Variants in ITGA1 observed in about 807,000 individuals in gnomAD.
The protein encoded by ITGA1 is integrin alpha-1.
Under a neutral mutation model 145.9 loss-of-function variants are expected in ITGA1, and 85 were observed. That is an observed-to-expected ratio of 0.58 (90% CI 0.49 to 0.70). The LOEUF is 0.70. Ranked by LOEUF, ITGA1 falls within the 30% of genes least tolerant of loss-of-function variation. The pLI is 0.00. For synonymous variants in ITGA1, 520 were observed against 495.3 expected (o/e 1.05, Z -0.66); for missense variants, 1,351 against 1,418.7 (o/e 0.95, Z 0.77).
At chr5:52,796,227 T>C (rs1283562886) in intron 1 of ITGA1, among the ~76,000 whole-genome samples, 1 of 151,914 alleles carries the variant, frequency 6.6e-6, no homozygotes, top group Non-Finnish European at 1.5e-5. Context: ...CAATCCAGGA[T>C]GCTTGACTTC....
At chr5:52,834,665 G>C (rs1320443364) in intron 1 of ITGA1, among the ~76,000 whole-genome samples, 1 of 150,926 alleles carries the variant, frequency 6.6e-6, no homozygotes, top group Admixed American at 6.6e-5. Flanking sequence ...GAAAGAGAAA[G>C]AAAGAAAGAA....
chr5:52,938,048 C>A (rs1281802781), intron 24 of ITGA1, among the ~76,000 whole-genome samples: 1 of 152,104 alleles, frequency 6.6e-6, no homozygotes, highest in African/African-American at 2.4e-5. Context: ...TCTGCAAAGA[C>A]CCTATTTCCA....
intron 27 of ITGA1, among the ~76,000 whole-genome samples, chr5:52,947,077 C>G (rs1388545629): frequency 6.6e-6 from 1 of 152,146 alleles, no homozygotes; most frequent in Non-Finnish European, 1.5e-5. Context: ...CACTCCTCCC[C>G]TTGAGCATTC....
intron 6 of ITGA1, among the ~76,000 whole-genome samples, chr5:52,866,311 C>T (rs772447493): frequency 2.7e-4 from 41 of 151,902 alleles, no homozygotes; most frequent in Non-Finnish European, 4.7e-4. Flanking sequence ...GCCACTGTGC[C>T]CAACCTAGGC....
At position 52,868,766 on chromosome 5, in the gene ITGA1, G is replaced by A. The variant is rs143071116; in HGVS notation, c.624+2949G>A. ...TGAATGAAGCACCCTGCACAGTGTC[G>A]TTTACATTATCTTCTGACTTCACCC... is the stretch of plus-strand genomic sequence containing the variant. On this transcript the variant is annotated intron_variant, in intron 6 of 28. Coordinates refer to ENST00000282588, the MANE Select transcript of ITGA1 (RefSeq NM_181501.2). Among the ~76,000 whole-genome samples the A allele has an allele frequency of 1.1e-4, 17 of 152,216 alleles. No individual in the cohort carries two copies. The East Asian group carries it at 1.2e-3, about 10-fold the overall frequency.
chr5:52,855,321 C>G (rs1379070645), intron 2 of ITGA1, among the ~76,000 whole-genome samples: 2 of 152,050 alleles, frequency 1.3e-5, no homozygotes, highest in African/African-American at 4.8e-5. Flanking sequence ...CCCACTTAAG[C>G]TGAATATATA....
chr5:52,834,694 A>C (rs527573380), intron 1 of ITGA1, among the ~76,000 whole-genome samples: 1 of 151,174 alleles, frequency 6.6e-6, no homozygotes, highest in African/African-American at 2.4e-5. Context: ...AAAGAAGGGG[A>C]AGGAAGGAAG....
At chr5:52,935,529 A>C (rs1750952677) in intron 23 of ITGA1, among the ~76,000 whole-genome samples, 1 of 152,154 alleles carries the variant, frequency 6.6e-6, no homozygotes, top group South Asian at 2.1e-4. Context: ...GTGATCTTGG[A>C]AGTTCTTAAT....
At chr5:52,874,383 T>A (rs563257981) in intron 6 of ITGA1, among the ~76,000 whole-genome samples, 3 of 151,892 alleles carry the variant, frequency 2.0e-5, no homozygotes, top group African/African-American at 4.8e-5. Flanking sequence ...AGACCAAGCA[T>A]CAACATGAGT....
At chr5:52,800,057 T>C in intron 1 of ITGA1, 1 of 321,976 alleles carries the variant, frequency 3.1e-6, no homozygotes, top group Non-Finnish European at 5.9e-6. Context: ...ACGGGAGACG[T>C]GCGTCGGGTC....
chr5:52,840,279 T>C (rs1749231646), intron 1 of ITGA1, among the ~76,000 whole-genome samples: 1 of 152,200 alleles, frequency 6.6e-6, no homozygotes, highest in African/African-American at 2.4e-5. Context: ...AATACTTAAA[T>C]AGGATGCCAC....
rs1314527918 is a variant in ITGA1, at chr5:52,944,705, T to A, written c.3286-238T>A. ...CTAATGATAAATCAATACAAAATAT[T>A]TTTAAAATTTTTTTTCATTCCATAA... is the stretch of plus-strand genomic sequence containing the variant. On this transcript the variant is annotated intron_variant, in intron 26 of 28. Coordinates refer to ENST00000282588, the MANE Select transcript of ITGA1 (RefSeq NM_181501.2). Among the ~76,000 whole-genome samples, 8 of 152,192 alleles carry A rather than the reference T, an allele frequency of 5.3e-5. 1 individual carries two copies. The East Asian group carries it at 1.5e-3, about 29-fold the overall frequency.
intron 23 of ITGA1, among the ~76,000 whole-genome samples, chr5:52,937,048 T>TAA (rs3841535): frequency 7.4e-5 from 9 of 121,810 alleles, no homozygotes; most frequent in East Asian, 7.3e-4. Context: ...ACTGGTATGT[T>TAA]AAAAAAAAAA....
At chr5:52,820,403 A>T (rs1459174289) in intron 1 of ITGA1, among the ~76,000 whole-genome samples, 1 of 147,248 alleles carries the variant, frequency 6.8e-6, no homozygotes, top group East Asian at 2.1e-4. Context: ...GGATAGCATT[A>T]GGAGATACAC....
At chr5:52,917,249 A>G (rs1561248878) in intron 15 of ITGA1, among the ~76,000 whole-genome samples, 1 of 152,248 alleles carries the variant, frequency 6.6e-6, no homozygotes, top group Non-Finnish European at 1.5e-5. Context: ...TAAGCAGGAA[A>G]CTAGGCATGT....
At chr5:52,912,989 G>A (rs891937918) in intron 14 of ITGA1, among the ~76,000 whole-genome samples, 19 of 151,888 alleles carry the variant, frequency 1.3e-4, no homozygotes, top group Non-Finnish European at 2.2e-4. Flanking sequence ...TTCGTGATCC[G>A]CCCACCTCGG....
intron 7 of ITGA1, among the ~76,000 whole-genome samples, chr5:52,883,212 T>C (rs944919625): frequency 1.3e-5 from 2 of 152,234 alleles, no homozygotes; most frequent in Non-Finnish European, 2.9e-5. Context: ...TAAATGTGAC[T>C]GCACATTCGA....
intron 1 of ITGA1, among the ~76,000 whole-genome samples, chr5:52,814,378 T>C (rs1353146222): frequency 6.6e-6 from 1 of 152,118 alleles, no homozygotes; most frequent in Non-Finnish European, 1.5e-5. Flanking sequence ...CCTCAGGTGA[T>C]CTGCCTACCC....
At chr5:52,912,786 G>T (rs1037041708) in intron 14 of ITGA1, among the ~76,000 whole-genome samples, 1 of 146,140 alleles carries the variant, frequency 6.8e-6, no homozygotes, top group Non-Finnish European at 1.5e-5. Flanking sequence ...TCGCTCTGTC[G>T]CCCAGGCTAG....
Sources: gnomAD v4.1 joint callset for allele counts (sites outside exome capture counted in the v4.1 genomes callset) on GRCh38, gnomAD v4.1.1 for gene constraint, MANE v1.5 for transcripts, NCBI Gene and HGNC (gene_info 2026-07-23, HGNC 2026-07-21) for gene names.